The following PTPRD variants were observed in gnomAD, a reference collection of about 807,000 sequenced individuals.
PTPRD encodes protein tyrosine phosphatase receptor type D.
A neutral mutation model predicts 214.5 loss-of-function variants in PTPRD; 34 were observed. The ratio of observed to expected loss-of-function variants is 0.16; its 90% confidence interval spans 0.12 to 0.21. The LOEUF (loss-of-function observed/expected upper bound fraction) is 0.21. PTPRD is among the 10% of genes least tolerant of loss of function. The probability of loss-of-function intolerance (pLI) is 1.00; values close to 1 mark genes in which losing one functional copy is unlikely to be tolerated. For synonymous variants in PTPRD, 1,128 were observed against 845.7 expected (o/e 1.33, Z -5.79); for missense variants, 2,545 against 2,398.7 (o/e 1.06, Z -1.27).
At chr9:9,354,946 G>C (rs888076972) in intron 9 of PTPRD, among the ~76,000 whole-genome samples, 1 of 151,796 alleles carries the variant, frequency 6.6e-6, no homozygotes, top group African/African-American at 2.4e-5. Flanking sequence ...AGGAAAATGT[G>C]ACAGTAGTGG....
intron 10 of PTPRD, among the ~76,000 whole-genome samples, chr9:9,068,832 G>A (rs959553264): frequency 2.0e-4 from 31 of 152,004 alleles, no homozygotes; most frequent in African/African-American, 2.9e-4. Context: ...GGATGGTCTC[G>A]ATCTCCTGAC....
At position 10,214,154 on chromosome 9, in the gene PTPRD, G is replaced by A. The variant is rs562117147; in HGVS notation, c.-545+126809C>T. 2.6e-5 allele frequency among the ~76,000 whole-genome samples: 4 copies of A among 152,158 alleles called. No homozygotes were observed. In the South Asian group the frequency reaches 8.3e-4, roughly 32 times the overall value. ...CTTTGCTTTAATTTTTACATCACAT[G>A]CAATCATTCTATTTAAATGTGGAAA... On this transcript the variant is annotated intron_variant, in intron 3 of 45. Coordinates refer to ENST00000381196, the MANE Select transcript of PTPRD (RefSeq NM_002839.4).
chr9:10,369,165 A>G (rs2097566899), intron 2 of PTPRD, among the ~76,000 whole-genome samples: 1 of 152,096 alleles, frequency 6.6e-6, no homozygotes, highest in African/African-American at 2.4e-5. Flanking sequence ...AACTTATGCA[A>G]ATTATTTTTC....
chr9:9,507,491 G>C (rs1262570490), intron 8 of PTPRD, among the ~76,000 whole-genome samples: 1 of 150,822 alleles, frequency 6.6e-6, no homozygotes, highest in Non-Finnish European at 1.5e-5. Flanking sequence ...TGGAAAAGAA[G>C]ACAAGATAAA....
At chr9:8,670,981 AAC>A (rs2097272679) in intron 12 of PTPRD, among the ~76,000 whole-genome samples, 1 of 152,146 alleles carries the variant, frequency 6.6e-6, no homozygotes, top group African/African-American at 2.4e-5. Context: ...TGTGAGGACA[AAC>A]ACAGCCTGTG....
chr9:10,176,022 G>A (rs973888027), intron 3 of PTPRD, among the ~76,000 whole-genome samples: 5 of 151,906 alleles, frequency 3.3e-5, no homozygotes, highest in Non-Finnish European at 5.9e-5. Flanking sequence ...CCTTTGAAAT[G>A]CAATGTATTG....
intron 2 of PTPRD, among the ~76,000 whole-genome samples, chr9:10,484,765 T>C (rs183663652): frequency 1.4e-3 from 216 of 152,230 alleles, no homozygotes; most frequent in Admixed American, 4.3e-3. Context: ...ATTCTGGTCA[T>C]TACTCCCTTG....
At chr9:10,370,388 G>A (rs2097586542) in intron 2 of PTPRD, among the ~76,000 whole-genome samples, 1 of 151,950 alleles carries the variant, frequency 6.6e-6, no homozygotes, top group Non-Finnish European at 1.5e-5. Context: ...CTAACGCTGT[G>A]AAATATTTTC....
chr9:9,487,981 C>T (rs1040481383), intron 8 of PTPRD, among the ~76,000 whole-genome samples: 1 of 152,126 alleles, frequency 6.6e-6, no homozygotes, highest in South Asian at 2.1e-4. Context: ...GAGTATTTTT[C>T]CCATGAGGTA....
At chr9:10,487,278 A>C (rs539684936) in intron 2 of PTPRD, among the ~76,000 whole-genome samples, 2 of 152,236 alleles carry the variant, frequency 1.3e-5, no homozygotes, top group South Asian at 4.1e-4. Context: ...TGAAGAGCTT[A>C]GTCCACTTAC....
chr9:9,837,295 T>C (rs1490294997), intron 5 of PTPRD, among the ~76,000 whole-genome samples: 2 of 152,078 alleles, frequency 1.3e-5, no homozygotes, highest in East Asian at 3.9e-4. Context: ...GGACTATTCT[T>C]TTGAGAGGAT....
Position 9,725,643 on chromosome 9 carries a change from T to G in PTPRD, c.-287+8890A>C, listed in dbSNP as rs2098075623. Among the ~76,000 whole-genome samples, 3 of 152,188 alleles carry G rather than the reference T, an allele frequency of 2.0e-5. No individual in the cohort carries two copies. In the South Asian group the frequency reaches 6.2e-4, roughly 31 times the overall value. ...GGTTTCTTGAATTTCATTTCCAGAT[T>G]GACATTATTTGTAATTATTCAACTA... On this transcript the variant is annotated intron_variant, in intron 7 of 45. Coordinates refer to ENST00000381196, the MANE Select transcript of PTPRD (RefSeq NM_002839.4).
At chr9:9,428,222 C>T (rs1431334041) in intron 8 of PTPRD, among the ~76,000 whole-genome samples, 2 of 151,248 alleles carry the variant, frequency 1.3e-5, no homozygotes, top group African/African-American at 2.4e-5. Context: ...GAAGATCTAC[C>T]AAGCAAATGG....
intron 12 of PTPRD, among the ~76,000 whole-genome samples, chr9:8,669,496 G>T (rs904968965): frequency 6.6e-6 from 1 of 152,056 alleles, no homozygotes; most frequent in African/African-American, 2.4e-5. Flanking sequence ...TTGGGTTGGG[G>T]GCTGGAGGAA....
chr9:8,877,009 C>T (rs12555691), intron 11 of PTPRD, among the ~76,000 whole-genome samples: 24,998 of 151,806 alleles, frequency 0.16, 2,490 homozygotes, highest in South Asian at 0.26. Context: ...TCACAGCAAC[C>T]TCTGCCCCCC....
intron 2 of PTPRD, among the ~76,000 whole-genome samples, chr9:10,508,923 C>A (rs756071758): frequency 2.6e-5 from 4 of 151,870 alleles, no homozygotes; most frequent in Non-Finnish European, 4.4e-5. Flanking sequence ...TGCACATGTA[C>A]CCTAGAACTT....
intron 10 of PTPRD, among the ~76,000 whole-genome samples, chr9:9,038,492 A>T (rs2099628953): frequency 6.6e-6 from 1 of 152,008 alleles, no homozygotes; most frequent in Admixed American, 6.6e-5. Flanking sequence ...ATGTACACAA[A>T]CACAATTCTT....
chr9:10,503,632 T>C (rs1219855794), intron 2 of PTPRD, among the ~76,000 whole-genome samples: 4 of 152,088 alleles, frequency 2.6e-5, no homozygotes. Flanking sequence ...TTGGAGGTTC[T>C]GAAAATATAG....
rs1046977423 is a variant in PTPRD, at chr9:8,316,713, A to C, written c.*1161T>G. ...ACAAAACAATTTGTGGATGTGATTG[A>C]TTGGTTAGGTGGGGGTAGATTAGGT... On this transcript the variant is annotated 3_prime_UTR_variant, in exon 46 of 46. Coordinates refer to ENST00000381196, the MANE Select transcript of PTPRD (RefSeq NM_002839.4). 1.3e-5 allele frequency: 3 copies of C among 230,352 alleles called. No individual in the cohort carries two copies. The highest frequency in any genetic ancestry group is 2.6e-5 in the Non-Finnish European group (3 of 116,142). The allele number at this position is 230,352 out of a possible 1,614,324, so 14.3% of individuals were successfully genotyped here. A position where few individuals can be genotyped will look rare whatever the true frequency, so the allele number is the denominator to read the frequency against.
Sources: allele counts gnomAD v4.1 joint callset (sites outside exome capture counted in the v4.1 genomes callset), GRCh38; gene constraint gnomAD v4.1.1; transcripts MANE v1.5; gene names NCBI Gene and HGNC (gene_info 2026-07-23, HGNC 2026-07-21).